The following THADA variants were observed in gnomAD, a reference collection of about 807,000 sequenced individuals.
THADA encodes THADA armadillo repeat containing, also known as tRNA (32-2'-O)-methyltransferase regulator THADA.
In THADA, 213 loss-of-function variants were observed where a neutral mutation model predicts 219.8. The observed-to-expected ratio is 0.97, with a 90% CI of 0.87 to 1.09. THADA has a LOEUF of 1.09. Ranked by LOEUF, THADA falls within the 50% of genes least tolerant of loss-of-function variation. THADA has a pLI of 0.00. For missense variants in THADA, 2,956 were observed against 2,311.3 expected (o/e 1.28, Z -5.72); for synonymous variants, 1,018 against 828.9 (o/e 1.23, Z -3.92).
intron 34 of THADA, among the ~76,000 whole-genome samples, chr2:43,290,514 G>A (rs937552666): frequency 3.3e-5 from 5 of 152,130 alleles, no homozygotes; most frequent in Non-Finnish European, 7.4e-5. Context: ...CCTCTATGAA[G>A]TCTTCTTCAG....
At chr2:43,301,201 A>C (rs371154788) in intron 31 of THADA, among the ~76,000 whole-genome samples, 1 of 152,188 alleles carries the variant, frequency 6.6e-6, no homozygotes, top group Non-Finnish European at 1.5e-5. Context: ...TGGGTAGGGC[A>C]CTGGAGTTTC....
intron 22 of THADA, among the ~76,000 whole-genome samples, chr2:43,525,386 G>C (rs1470201063): frequency 6.6e-6 from 1 of 152,202 alleles, no homozygotes; most frequent in African/African-American, 2.4e-5. Flanking sequence ...CTGGTCCTAA[G>C]ATGCACTTAA....
At chr2:43,584,998 T>G (rs1481984491) in intron 7 of THADA, among the ~76,000 whole-genome samples, 1 of 152,128 alleles carries the variant, frequency 6.6e-6, no homozygotes, top group Non-Finnish European at 1.5e-5. Context: ...CTTCCCTCAC[T>G]CAGCAACCAG....
chr2:43,353,173 C>G (rs1299931468), intron 29 of THADA, among the ~76,000 whole-genome samples: 3 of 152,258 alleles, frequency 2.0e-5, no homozygotes, highest in African/African-American at 7.2e-5. Context: ...GGTTATTTCA[C>G]TTTCTCTGGA....
At chr2:43,588,827 C>A (rs529265765) in intron 4 of THADA, among the ~76,000 whole-genome samples, 1 of 152,146 alleles carries the variant, frequency 6.6e-6, no homozygotes, top group East Asian at 1.9e-4. Context: ...TGGAATTTAT[C>A]TCAGAGAAAT....
At chr2:43,308,405 AG>A (rs1180131510) in intron 31 of THADA, among the ~76,000 whole-genome samples, 1 of 151,464 alleles carries the variant, frequency 6.6e-6, no homozygotes, top group Admixed American at 6.6e-5. Context: ...AAATATTTAA[AG>A]CAATAATGGT....
At chr2:43,231,381 G>A (rs1388971355) in intron 37 of THADA, 38 bp from the exon 38 acceptor site, 2 of 1,475,982 alleles carry the variant, frequency 1.4e-6, no homozygotes, top group East Asian at 2.4e-5. Flanking sequence ...AGTCTTACAG[G>A]GAATGGTGAC....
At position 43,310,216 on chromosome 2, in the gene THADA, TCCC is replaced by T. The variant is rs1207067741; in HGVS notation, c.4438+10227_4438+10229del. Among the ~76,000 whole-genome samples the T allele has an allele frequency of 5.5e-4, 8 of 14,470 alleles. 1 individual carries two copies. Among genetic ancestry groups the T allele is most frequent in the African/African-American group, 2.0e-3 (8 of 3,924 alleles). 9.5% of individuals were successfully genotyped at this position (14,470 alleles called of 152,430 possible). A position where few individuals can be genotyped will look rare whatever the true frequency, so the allele number is the denominator to read the frequency against. On this transcript the variant is annotated intron_variant, in intron 31 of 37. Transcript: ENST00000405975. ...TTTCTTTCCTCCCTCCCTCCCTCCC[TCCC>T]TTTCCCGCCCCCCCCCCAAACAAGC... is the stretch of plus-strand genomic sequence containing the variant.
intron 20 of THADA, among the ~76,000 whole-genome samples, chr2:43,548,331 G>C (rs891476529): frequency 6.6e-6 from 1 of 152,232 alleles, no homozygotes; most frequent in African/African-American, 2.4e-5. Context: ...GGACCCACTT[G>C]AGGAGGCAGT....
intron 36 of THADA, among the ~76,000 whole-genome samples, chr2:43,255,027 C>T (rs1670163879): frequency 1.3e-5 from 2 of 152,122 alleles, no homozygotes; most frequent in Non-Finnish European, 2.9e-5. Context: ...TTTACTCCAG[C>T]TGGAAACTAA....
intron 26 of THADA, among the ~76,000 whole-genome samples, chr2:43,431,642 CTTTTTTTTTTTTTTTTTTTTTTTTTTTT>C (rs60078886): frequency 8.6e-5 from 1 of 11,568 alleles, no homozygotes; most frequent in East Asian, 2.9e-3. Flanking sequence ...ATTTTTTGTA[CTTTTTTTTTTTTTTTTTTTTTTTTTTTT>C]TTTTTTTTTT....
chr2:43,521,282 G>A (rs114484958), intron 22 of THADA, among the ~76,000 whole-genome samples: 1,942 of 152,218 alleles, frequency 0.013, 18 homozygotes, highest in Non-Finnish European at 0.022. Flanking sequence ...AGGGCCGGGC[G>A]TGGTGGCTCA....
At chr2:43,301,414 C>T (rs1370217902) in intron 31 of THADA, among the ~76,000 whole-genome samples, 1 of 152,208 alleles carries the variant, frequency 6.6e-6, no homozygotes, top group Non-Finnish European at 1.5e-5. Flanking sequence ...AACACTGGCT[C>T]GTTGTGTGCA....
At chr2:43,335,721 G>A (rs1428834642) in intron 30 of THADA, among the ~76,000 whole-genome samples, 2 of 151,490 alleles carry the variant, frequency 1.3e-5, no homozygotes, top group Non-Finnish European at 2.9e-5. Context: ...CACTTTGGGA[G>A]GCCAAGGCAG....
rs1361863439 is a variant in THADA at position 43,361,460 on chromosome 2, G to A, written c.4228-17223C>T. Among the ~76,000 whole-genome samples, 3 of 152,182 alleles carry A rather than the reference G, an allele frequency of 2.0e-5. No individual in the cohort carries two copies. The South Asian group carries it at 6.2e-4, about 31-fold the overall frequency. Reference sequence around the variant, plus strand: ...GGTGCAACTGACGGCATCTCTCAGTGCTGATGTGAAAAGGAGACTCACTTC... The same window carrying A: ...GGTGCAACTGACGGCATCTCTCAGTACTGATGTGAAAAGGAGACTCACTTC... On this transcript the variant is annotated intron_variant, in intron 29 of 37. Coordinates refer to ENST00000405975, the MANE Select transcript of THADA (RefSeq NM_022065.5).
At chr2:43,249,428 TG>T (rs931794281) in intron 36 of THADA, among the ~76,000 whole-genome samples, 5 of 152,184 alleles carry the variant, frequency 3.3e-5, no homozygotes, top group Admixed American at 3.3e-4. Context: ...CTTCCAGTCT[TG>T]TCTAGACTCC....
intron 28 of THADA, among the ~76,000 whole-genome samples, chr2:43,425,624 A>T (rs1341381597): frequency 6.6e-6 from 1 of 152,202 alleles, no homozygotes; most frequent in African/African-American, 2.4e-5. Flanking sequence ...CTGAAATCAG[A>T]ATTTATATGA....
chr2:43,413,532 A>G (rs187975527), intron 28 of THADA, among the ~76,000 whole-genome samples: 1 of 152,246 alleles, frequency 6.6e-6, no homozygotes, highest in East Asian at 1.9e-4. Context: ...CTAATACTAC[A>G]TTTCTAGTTG....
Position 43,556,433 on chromosome 2 carries a change from C to T in THADA, c.2586G>A (p.Pro862=), listed in dbSNP as rs1364339808. The T allele has an allele frequency of 9.9e-6, 16 of 1,613,632 alleles. No individual in the cohort carries two copies. Among genetic ancestry groups the T allele is most frequent in the Middle Eastern group, 1.6e-4 (1 of 6,084 alleles). The change falls in exon 17 of 38, where the codon CCG becomes CCA. Residue 862 remains proline (P), a synonymous_variant. Coordinates refer to ENST00000405975, the MANE Select transcript of THADA (RefSeq NM_022065.5). ...GAGTTAAGTAGGCAGACAAGGATGA[C>T]GGTAGAGCATCCTGCCAGATTAAGA... ...LNFLIWQDAL[P]SSLSAYLTQQ...
Sources: gnomAD v4.1 joint callset for allele counts (sites outside exome capture counted in the v4.1 genomes callset) on GRCh38, gnomAD v4.1.1 for gene constraint, MANE v1.5 for transcripts, NCBI Gene and HGNC (gene_info 2026-07-23, HGNC 2026-07-21) for gene names.